Variants in OLAH observed in about 807,000 individuals in gnomAD.
OLAH encodes oleoyl-ACP hydrolase.
In OLAH, 33 loss-of-function variants were observed where a neutral mutation model predicts 27.8. The observed-to-expected ratio is 1.19, with a 90% CI of 0.90 to 1.59. The LOEUF (loss-of-function observed/expected upper bound fraction) is 1.59. Among genes scored for constraint, OLAH ranks in the 40% most tolerant of loss-of-function variants. The pLI is 0.00. For synonymous variants in OLAH, 120 were observed against 102.9 expected (o/e 1.17, Z -1.01); for missense variants, 359 against 310.8 (o/e 1.16, Z -1.17).
chr10:15,067,518 T>A (rs1461177995), intron 6 of OLAH, among the ~76,000 whole-genome samples: 1 of 152,076 alleles, frequency 6.6e-6, no homozygotes, highest in Non-Finnish European at 1.5e-5. Context: ...GTTTTTTCAC[T>A]CCAAAGAAAC....
At chr10:15,071,898 G>T (rs536681385) in intron 7 of OLAH, 21 bp downstream of exon 7, 1 of 1,561,566 alleles carries the variant, frequency 6.4e-7, no homozygotes, top group South Asian at 1.1e-5. Flanking sequence ...TTTTAGTCTC[G>T]AGTATTGTAT....
In OLAH at chr10:15,047,115, A is replaced by T; in HGVS notation, c.-163-11A>T. 1 of 479,312 alleles carries T rather than the reference A, an allele frequency of 2.1e-6. No individual in the cohort carries two copies. Among genetic ancestry groups the T allele is most frequent in the South Asian group, 4.6e-5 (1 of 21,808 alleles). The allele number at this position is 479,312 out of a possible 1,614,324, so 29.7% of individuals were successfully genotyped here. A position where few individuals can be genotyped will look rare whatever the true frequency, so the allele number is the denominator to read the frequency against. ...CCTTCCTTTTCCTCTGACCTTCTTT[A>T]TTTTTAACAGGGATTGGAGAGGTCA... is the stretch of plus-strand genomic sequence containing the variant. On this transcript the variant is annotated splice_polypyrimidine_tract_variant and intron_variant, in intron 1 of 7. Transcript: ENST00000378228.
intron 1 of OLAH, among the ~76,000 whole-genome samples, chr10:15,046,920 T>C (rs1352198319): frequency 6.6e-6 from 1 of 152,208 alleles, no homozygotes; most frequent in Non-Finnish European, 1.5e-5. Context: ...TCTGTCTGTA[T>C]ATACGTGAGC....
At position 15,070,147 on chromosome 10, in the gene OLAH, G is replaced by T. The variant is rs931773680; in HGVS notation, c.573-1648G>T. ...CAAGTCATGATGCTGCAGTTTCTCTGTTTTTTTTTTTTTTCCTCTCATTGT... is the reference window on the plus strand; with the variant it reads ...CAAGTCATGATGCTGCAGTTTCTCTTTTTTTTTTTTTTTTCCTCTCATTGT... On this transcript the variant is annotated intron_variant, in intron 6 of 7. Coordinates refer to ENST00000378228, the MANE Select transcript of OLAH (RefSeq NM_001039702.3). Among the ~76,000 whole-genome samples, 217 of 144,726 alleles carry T rather than the reference G, an allele frequency of 1.5e-3. 3 individuals carry two copies. Among genetic ancestry groups the T allele is most frequent in the Non-Finnish European group, 1.6e-3 (108 of 66,206 alleles). The allele number at this position is 144,726 out of a possible 152,430, so 94.9% of individuals were successfully genotyped here. A position where few individuals can be genotyped will look rare whatever the true frequency, so the allele number is the denominator to read the frequency against.
chr10:15,035,033 G>A (rs923785739), intron 1 of OLAH, among the ~76,000 whole-genome samples: 10 of 151,812 alleles, frequency 6.6e-5, no homozygotes, highest in Non-Finnish European at 1.3e-4. Context: ...AACTCCTGAC[G>A]TCGTGATCCG....
rs112418351 is a variant in OLAH at position 15,073,233 on chromosome 10, T to G, written c.*4T>G. 22 of 1,550,580 alleles carry G rather than the reference T, an allele frequency of 1.4e-5. No homozygotes were observed. The highest frequency in any genetic ancestry group is 1.7e-4 in the Middle Eastern group (1 of 5,916). On this transcript the variant is annotated 3_prime_UTR_variant, in exon 8 of 8. Transcript: ENST00000378228. ...ATCATCGATATCCAATTTTTAGATA[T>G]TTTCCCTTTCACTTTTAAAATAATC...
chr10:15,049,565 C>T, intron 2 of OLAH, 70 bp from the exon 3 acceptor site: 1 of 965,244 alleles, frequency 1.0e-6, no homozygotes, highest in African/African-American at 1.7e-5. Flanking sequence ...TCCATTAAAA[C>T]ACAGGTAATT....
In OLAH at chr10:15,051,075, A is replaced by ATT. The variant is rs1171804568; in HGVS notation, c.163+1311_163+1312dup. ...TTCAAGACTGTTTATTATTATTATTATTATTTTTTTTTTTTTTTGAGATGG... is the reference window on the plus strand; with the variant it reads ...TTCAAGACTGTTTATTATTATTATTATTTTATTTTTTTTTTTTTTTGAGATGG... On this transcript the variant is annotated intron_variant, in intron 3 of 7. Coordinates refer to ENST00000378228, the MANE Select transcript of OLAH (RefSeq NM_001039702.3). Among the ~76,000 whole-genome samples the ATT allele has an allele frequency of 8.2e-3, 474 of 57,962 alleles. 2 individuals carry two copies. The highest frequency in any genetic ancestry group is 0.032 in the African/African-American group (357 of 11,096). The allele number at this position is 57,962 out of a possible 152,430, so 38.0% of individuals were successfully genotyped here. A position where few individuals can be genotyped will look rare whatever the true frequency, so the allele number is the denominator to read the frequency against.
intron 4 of OLAH, among the ~76,000 whole-genome samples, chr10:15,062,731 A>G (rs1051037888): frequency 6.6e-6 from 1 of 151,330 alleles, no homozygotes; most frequent in African/African-American, 2.4e-5. Flanking sequence ...ACAATAGTCC[A>G]GTGAACATTC....
intron 1 of OLAH, among the ~76,000 whole-genome samples, chr10:15,036,849 G>C (rs1843847672): frequency 6.6e-6 from 1 of 152,160 alleles, no homozygotes; most frequent in Admixed American, 6.5e-5. Flanking sequence ...GGGAGGCTGA[G>C]GCAGGCAGAT....
chr10:15,049,542 A>T (rs1844090791), intron 2 of OLAH, 93 bp from the exon 3 acceptor site: 4 of 858,520 alleles, frequency 4.7e-6, no homozygotes, highest in Non-Finnish European at 5.1e-6. Flanking sequence ...GTTTCTTATA[A>T]TTAATAAAGA....
chr10:15,032,620 CAAAAAA>C (rs71390005), intron 1 of OLAH, among the ~76,000 whole-genome samples: 4 of 95,656 alleles, frequency 4.2e-5, no homozygotes, highest in South Asian at 3.2e-4. Flanking sequence ...GACTCAGTTT[CAAAAAA>C]AAAAAAAAAA....
At chr10:15,046,770 C>T (rs1314447277) in intron 1 of OLAH, among the ~76,000 whole-genome samples, 1 of 152,192 alleles carries the variant, frequency 6.6e-6, no homozygotes, top group African/African-American at 2.4e-5. Flanking sequence ...TTTACAAACA[C>T]TTAGAAAGCT....
chr10:15,061,737 G>A lies in OLAH; in HGVS notation c.177G>A (p.Arg59=), dbSNP rs1844368128. The part of the protein sequence containing the change: ...THDLLEVHSL[R]LPGRESRVEE... ...CTCCATCTCCAGTGCACTCCTTAAG[G>A]CTTCCTGGAAGAGAAAGCAGAGTTG... Residue 59 remains arginine, a synonymous_variant, in exon 4 of 8, where the codon AGG becomes AGA. Transcript: ENST00000378228. 6.2e-7 allele frequency: 1 copy of A among 1,612,112 alleles called. No individual in the cohort carries two copies. The highest frequency in any genetic ancestry group is 8.5e-7 in the Non-Finnish European group (1 of 1,179,274).
intron 3 of OLAH, among the ~76,000 whole-genome samples, chr10:15,060,769 G>A (rs1333609440): frequency 1.3e-5 from 2 of 152,116 alleles, no homozygotes; most frequent in East Asian, 1.9e-4. Flanking sequence ...TCTCCCTGGA[G>A]TTGTTATGGG....
Position 15,037,896 on chromosome 10 carries a change from C to G in OLAH, c.-164+5546C>G, listed in dbSNP as rs144696497. ...AATAGCCAAGTGTTCTCTATACTGC[C>G]AACACAAAGAGCCACAGGCCAGGAA... On this transcript the variant is annotated intron_variant, in intron 1 of 3. Coordinates refer to the OLAH transcript ENST00000413672. Among the ~76,000 whole-genome samples, 307 of 152,330 alleles carry G rather than the reference C, an allele frequency of 2.0e-3. 7 individuals carry two copies. The East Asian group carries it at 0.045, about 22-fold the overall frequency.
chr10:15,034,531 G>T (rs1160278210), intron 1 of OLAH, among the ~76,000 whole-genome samples: 1 of 152,202 alleles, frequency 6.6e-6, no homozygotes, highest in Non-Finnish European at 1.5e-5. Flanking sequence ...GAAGGATAAG[G>T]CCCTACTGGG....
intron 5 of OLAH, 41 bp downstream of exon 5, chr10:15,064,543 C>A (rs773990075): frequency 2.6e-6 from 3 of 1,139,070 alleles, no homozygotes; most frequent in Non-Finnish European, 3.8e-6. Flanking sequence ...CAGTGGAGAG[C>A]AGGGAAATGG....
intron 3 of OLAH, among the ~76,000 whole-genome samples, chr10:15,052,430 T>C (rs899318895): frequency 6.6e-6 from 1 of 152,232 alleles, no homozygotes; most frequent in African/African-American, 2.4e-5. Flanking sequence ...CTGGCAATAC[T>C]TTCTTTTTAA....
Sources: allele counts gnomAD v4.1 joint callset (sites outside exome capture counted in the v4.1 genomes callset), GRCh38; gene constraint gnomAD v4.1.1; transcripts MANE v1.5; gene names NCBI Gene and HGNC (gene_info 2026-07-23, HGNC 2026-07-21).